Variants in PDE11A observed in about 807,000 individuals in gnomAD.
The protein encoded by PDE11A is dual 3',5'-cyclic-AMP and -GMP phosphodiesterase 11A.
In PDE11A, 100 loss-of-function variants were observed where a neutral mutation model predicts 100.5. That is an observed-to-expected ratio of 1.00 (90% CI 0.85 to 1.18). The LOEUF (loss-of-function observed/expected upper bound fraction) is 1.18. Ranked by LOEUF, PDE11A falls within the 50% of genes most tolerant of loss-of-function variation. The pLI, the probability that PDE11A is intolerant of heterozygous loss-of-function variation, is 0.00. For synonymous variants in PDE11A, 381 were observed against 420.8 expected (o/e 0.91, Z 1.16); for missense variants, 1,141 against 1,152.6 (o/e 0.99, Z 0.15).
chr2:177,840,145 G>A (rs1441412527), intron 6 of PDE11A, 106 bp downstream of exon 6: 50 of 1,157,920 alleles, frequency 4.3e-5, no homozygotes, highest in Middle Eastern at 1.9e-4. Context: ...GATCACAGGG[G>A]AAGGATGCAA....
chr2:177,693,496 C>G (rs938085454), intron 15 of PDE11A, among the ~76,000 whole-genome samples: 1 of 152,164 alleles, frequency 6.6e-6, no homozygotes, highest in Non-Finnish European at 1.5e-5. Context: ...CCCCATTTCA[C>G]TGTCCCAGCC....
intron 9 of PDE11A, among the ~76,000 whole-genome samples, chr2:177,789,562 T>G (rs1284161596): frequency 6.6e-6 from 1 of 151,508 alleles, no homozygotes; most frequent in Non-Finnish European, 1.5e-5. Context: ...AAGAAGGAAA[T>G]AAAGGGTATT....
At chr2:178,004,225 T>C (rs2086177857) in intron 2 of PDE11A, among the ~76,000 whole-genome samples, 1 of 152,100 alleles carries the variant, frequency 6.6e-6, no homozygotes, top group Non-Finnish European at 1.5e-5. Context: ...CCAAATTTTC[T>C]ATAACAAGCT....
intron 6 of PDE11A, among the ~76,000 whole-genome samples, chr2:177,834,829 G>A (rs988552612): frequency 1.3e-5 from 2 of 152,116 alleles, no homozygotes; most frequent in African/African-American, 4.8e-5. Context: ...CAGATATAGG[G>A]AGCTTTTCTA....
intron 19 of PDE11A, among the ~76,000 whole-genome samples, chr2:177,652,037 T>A (rs768749500): frequency 9.9e-5 from 15 of 152,206 alleles, no homozygotes; most frequent in Non-Finnish European, 1.9e-4. Context: ...AACAATGTGA[T>A]AACCCGATCT....
chr2:177,968,598 A>T (rs1036753007), intron 2 of PDE11A, among the ~76,000 whole-genome samples: 3 of 152,256 alleles, frequency 2.0e-5, no homozygotes, highest in African/African-American at 7.2e-5. Flanking sequence ...GAAAATACTC[A>T]TATGCAGTCA....
intron 2 of PDE11A, among the ~76,000 whole-genome samples, chr2:177,992,401 T>A (rs1340776639): frequency 1.4e-5 from 2 of 144,320 alleles, no homozygotes; most frequent in South Asian, 4.6e-4. Flanking sequence ...AACGCCTGCA[T>A]CAAAAACACT....
chr2:178,058,989 A>T (rs924633792), intron 1 of PDE11A, among the ~76,000 whole-genome samples: 3 of 152,210 alleles, frequency 2.0e-5, no homozygotes, highest in Non-Finnish European at 4.4e-5. Context: ...TCCTGTGCCA[A>T]GAAGAGTCCC....
At chr2:177,634,404 TG>T (rs2080004436) in intron 19 of PDE11A, among the ~76,000 whole-genome samples, 1 of 150,940 alleles carries the variant, frequency 6.6e-6, no homozygotes, top group African/African-American at 2.4e-5. Context: ...TTTTTTTTTT[TG>T]TGAGAAGGAG....
chr2:177,733,189 T>G (rs1361669704), intron 10 of PDE11A, among the ~76,000 whole-genome samples: 1 of 152,210 alleles, frequency 6.6e-6, no homozygotes. Flanking sequence ...CTTTTCAATA[T>G]TTATAAGGTG....
chr2:177,624,991 A>C lies in PDE11A; in HGVS notation c.*4416T>G, dbSNP rs1480287171. The C allele has an allele frequency of 3.3e-5, 5 of 152,356 alleles. No individual in the cohort carries two copies. Among genetic ancestry groups the C allele is most frequent in the Non-Finnish European group, 7.3e-5 (5 of 68,050 alleles). 9.4% of individuals were successfully genotyped at this position (152,356 alleles called of 1,614,324 possible). ...AGGCTGAGGCAGGAAAGATCACTTA[A>C]GTTGGAGAGGTCAAGGCTGCAGTGG... On this transcript the variant is annotated 3_prime_UTR_variant, in exon 20 of 20. Transcript: ENST00000286063.
chr2:177,876,817 C>T (rs749489691), intron 4 of PDE11A, among the ~76,000 whole-genome samples: 11 of 148,044 alleles, frequency 7.4e-5, no homozygotes, highest in Non-Finnish European at 8.9e-5. Flanking sequence ...CTATTTCTGG[C>T]CCTTGTAGGG....
At chr2:177,849,340 G>T (rs1168863929) in intron 5 of PDE11A, among the ~76,000 whole-genome samples, 1 of 152,194 alleles carries the variant, frequency 6.6e-6, no homozygotes, top group Non-Finnish European at 1.5e-5. Flanking sequence ...CTGGTCTTTA[G>T]AGGATAAGTA....
At chr2:177,663,028 A>T (rs558310841) in intron 19 of PDE11A, among the ~76,000 whole-genome samples, 1 of 152,328 alleles carries the variant, frequency 6.6e-6, no homozygotes, top group East Asian at 1.9e-4. Flanking sequence ...CTTTGAAGTT[A>T]GGAAAGCAGC....
intron 12 of PDE11A, 98 bp from the exon 13 acceptor site, chr2:177,711,976 A>G: frequency 1.4e-6 from 1 of 692,154 alleles, no homozygotes; most frequent in East Asian, 2.7e-5. Context: ...TCATACCCAC[A>G]TCATTTAAGG....
intron 1 of PDE11A, among the ~76,000 whole-genome samples, chr2:178,054,765 C>T (rs1161658176): frequency 6.6e-6 from 1 of 152,218 alleles, no homozygotes; most frequent in Non-Finnish European, 1.5e-5. Context: ...CATCACTGGT[C>T]ATCAGAGAAA....
At chr2:177,640,816 A>G (rs1574088867) in intron 19 of PDE11A, among the ~76,000 whole-genome samples, 1 of 151,968 alleles carries the variant, frequency 6.6e-6, no homozygotes, top group South Asian at 2.1e-4. Context: ...TCTTACGTTT[A>G]CTCTGTCAGG....
At chr2:177,709,460 C>G (rs16865713) in intron 13 of PDE11A, among the ~76,000 whole-genome samples, 3,332 of 152,114 alleles carry the variant, frequency 0.022, 127 homozygotes, top group African/African-American at 0.076. Flanking sequence ...GTAGAGAATA[C>G]AAGAAAGAGG....
intron 12 of PDE11A, among the ~76,000 whole-genome samples, chr2:177,714,287 C>T (rs1027293166): frequency 2.8e-4 from 43 of 152,182 alleles, no homozygotes; most frequent in Non-Finnish European, 2.6e-4. Context: ...GCCACTACGC[C>T]CAGCCCCCCA....
Sources: allele counts gnomAD v4.1 joint callset (sites outside exome capture counted in the v4.1 genomes callset), GRCh38; gene constraint gnomAD v4.1.1; transcripts MANE v1.5; gene names NCBI Gene and HGNC (gene_info 2026-07-23, HGNC 2026-07-21).